The following OSBPL10 variants were observed in gnomAD, a reference collection of about 807,000 sequenced individuals.
OSBPL10 encodes the protein oxysterol-binding protein-related protein 10.
In OSBPL10, 49 loss-of-function variants were observed where a neutral mutation model predicts 81.7. That is an observed-to-expected ratio of 0.60 (90% CI 0.48 to 0.76). OSBPL10 has a LOEUF of 0.76. Ranked by LOEUF, OSBPL10 falls within the 30% of genes least tolerant of loss-of-function variation. The pLI is 0.00. For synonymous variants in OSBPL10, 419 were observed against 383.6 expected, an observed-to-expected ratio of 1.09 and a Z score of -1.08; for missense variants, 923 against 987.8, an observed-to-expected ratio of 0.93 and a Z score of 0.88.
At chr3:32,005,555 T>C (rs910463812) in intron 2 of OSBPL10, among the ~76,000 whole-genome samples, 1 of 152,128 alleles carries the variant, frequency 6.6e-6, no homozygotes, top group African/African-American at 2.4e-5. Flanking sequence ...TCAAACTTGG[T>C]ATTGTCTGCC....
At chr3:31,748,485 C>T (rs1282481143) in intron 4 of OSBPL10, among the ~76,000 whole-genome samples, 1 of 152,090 alleles carries the variant, frequency 6.6e-6, no homozygotes, top group Non-Finnish European at 1.5e-5. Context: ...ACAGCAGGCG[C>T]ACTGTGTGGC....
intron 3 of OSBPL10, among the ~76,000 whole-genome samples, chr3:31,838,435 C>T (rs1006252984): frequency 5.5e-5 from 8 of 146,320 alleles, no homozygotes; most frequent in South Asian, 4.3e-4. Context: ...GGCGTGAACC[C>T]GGGAGGCGGA....
At chr3:31,809,989 A>C (rs972154500) in intron 4 of OSBPL10, among the ~76,000 whole-genome samples, 1 of 149,402 alleles carries the variant, frequency 6.7e-6, no homozygotes, top group African/African-American at 2.5e-5. Flanking sequence ...CTCCTGCCTC[A>C]GTCTCCCGAG....
At chr3:31,712,019 C>T (rs895041017) in intron 6 of OSBPL10, among the ~76,000 whole-genome samples, 2 of 152,090 alleles carry the variant, frequency 1.3e-5, no homozygotes, top group African/African-American at 4.8e-5. Context: ...CAAAGAGGAG[C>T]ACTTAAAGTA....
chr3:32,028,632 G>A (rs193302818), intron 2 of OSBPL10, among the ~76,000 whole-genome samples: 12 of 152,214 alleles, frequency 7.9e-5, no homozygotes, highest in Non-Finnish European at 1.5e-5. Flanking sequence ...TTACAAAGAG[G>A]TGGGTTTTAC....
At chr3:32,040,294 C>T (rs1699562058) in intron 2 of OSBPL10, among the ~76,000 whole-genome samples, 1 of 152,078 alleles carries the variant, frequency 6.6e-6, no homozygotes, top group South Asian at 2.1e-4. Context: ...GTAGTCCCTG[C>T]TACTTGGAAG....
At position 32,062,902 on chromosome 3, in the gene OSBPL10, C is replaced by T. The variant is rs1020721364; in HGVS notation, n.185+14494G>A. On this transcript the variant is annotated intron_variant and non_coding_transcript_variant, in intron 1 of 3. Coordinates refer to the OSBPL10 transcript ENST00000479173. ...TCAGAGGTACGCAAGATAATCAATC[C>T]TTTAAAATAGAAAGTCTTCCTTTTT... Among the ~76,000 whole-genome samples the T allele has an allele frequency of 2.0e-4, 19 of 94,560 alleles. 8 individuals carry two copies. In the Admixed American group the frequency reaches 2.3e-3, roughly 11 times the overall value. The allele number at this position is 94,560 out of a possible 152,430, so 62.0% of individuals were successfully genotyped here.
At chr3:31,755,070 C>G (rs999641570) in intron 4 of OSBPL10, among the ~76,000 whole-genome samples, 1 of 152,116 alleles carries the variant, frequency 6.6e-6, no homozygotes, top group African/African-American at 2.4e-5. Context: ...CTTGCTTCAT[C>G]TCCTGCCTCT....
intron 1 of OSBPL10, among the ~76,000 whole-genome samples, chr3:31,893,871 T>C (rs1695978559): frequency 6.6e-6 from 1 of 152,200 alleles, no homozygotes; most frequent in Non-Finnish European, 1.5e-5. Flanking sequence ...GCAAACTGCT[T>C]ACAGGGATTA....
intron 1 of OSBPL10, among the ~76,000 whole-genome samples, chr3:31,945,892 A>T (rs922429452): frequency 2.0e-5 from 3 of 152,334 alleles, no homozygotes; most frequent in Middle Eastern, 3.4e-3. Flanking sequence ...ATGACTAAAA[A>T]AATCCAAACT....
At chr3:31,973,286 C>G (rs2125494897) in intron 1 of OSBPL10, among the ~76,000 whole-genome samples, 1 of 152,332 alleles carries the variant, frequency 6.6e-6, no homozygotes, top group South Asian at 2.1e-4. Flanking sequence ...CTTAAGTCAA[C>G]TGGGTCCTCA....
At chr3:31,907,976 G>A (rs1696460966) in intron 1 of OSBPL10, among the ~76,000 whole-genome samples, 1 of 152,178 alleles carries the variant, frequency 6.6e-6, no homozygotes, top group Non-Finnish European at 1.5e-5. Flanking sequence ...CTGCGGTGGA[G>A]GAGCAGTTCT....
chr3:31,995,014 G>T (rs1699075416), intron 2 of OSBPL10, among the ~76,000 whole-genome samples: 1 of 152,288 alleles, frequency 6.6e-6, no homozygotes, highest in African/African-American at 2.4e-5. Flanking sequence ...AAAAGGGGAA[G>T]GGGTATATGA....
At chr3:31,867,479 C>T (rs1430804419) in intron 3 of OSBPL10, among the ~76,000 whole-genome samples, 1 of 152,170 alleles carries the variant, frequency 6.6e-6, no homozygotes. Context: ...CGGTGGCTCT[C>T]ACCTGTAATC....
At chr3:31,806,533 G>A (rs199846071) in intron 4 of OSBPL10, among the ~76,000 whole-genome samples, 2 of 152,310 alleles carry the variant, frequency 1.3e-5, no homozygotes, top group Admixed American at 6.5e-5. Flanking sequence ...TTGAGCTTCC[G>A]CTTTGTACCC....
At chr3:31,893,106 A>G (rs1229550053) in intron 1 of OSBPL10, among the ~76,000 whole-genome samples, 6 of 152,226 alleles carry the variant, frequency 3.9e-5, no homozygotes, top group African/African-American at 1.4e-4. Flanking sequence ...ACAAGCAGAT[A>G]GAGGGGCAGA....
intron 4 of OSBPL10, among the ~76,000 whole-genome samples, chr3:31,813,202 T>C (rs1175745694): frequency 1.3e-5 from 2 of 152,322 alleles, no homozygotes; most frequent in Admixed American, 6.5e-5. Flanking sequence ...TCTTACAGTG[T>C]CTTTTCCATG....
At chr3:31,896,776 C>T (rs1010780688) in intron 1 of OSBPL10, among the ~76,000 whole-genome samples, 8 of 152,316 alleles carry the variant, frequency 5.3e-5, no homozygotes, top group Non-Finnish European at 1.0e-4. Flanking sequence ...CCTGCCTATG[C>T]CTCTTCCCTA....
At chr3:31,741,802 A>G (rs1220645124) in intron 5 of OSBPL10, among the ~76,000 whole-genome samples, 2 of 152,138 alleles carry the variant, frequency 1.3e-5, no homozygotes, top group African/African-American at 4.8e-5. Flanking sequence ...TGACTGAATC[A>G]TGCGGCAGGT....
Sources: allele counts gnomAD v4.1 joint callset (sites outside exome capture counted in the v4.1 genomes callset), GRCh38; gene constraint gnomAD v4.1.1; transcripts MANE v1.5; gene names NCBI Gene and HGNC (gene_info 2026-07-23, HGNC 2026-07-21).